SSH1: variants seen among roughly 807,000 people sequenced by gnomAD.
SSH1 encodes slingshot protein phosphatase 1.
Under a neutral mutation model 79.7 loss-of-function variants are expected in SSH1, and 43 were observed. The observed-to-expected ratio is 0.54, with a 90% CI of 0.42 to 0.70. The LOEUF (loss-of-function observed/expected upper bound fraction) is 0.70. SSH1 is among the 30% of genes least tolerant of loss of function. The pLI is 0.00. For synonymous variants in SSH1, 599 were observed against 538.3 expected (o/e 1.11, Z -1.56); for missense variants, 1,206 against 1,358.8 (o/e 0.89, Z 1.77).
chr12:108,800,478 C>G (rs2036943197), intron 12 of SSH1, among the ~76,000 whole-genome samples: 1 of 152,156 alleles, frequency 6.6e-6, no homozygotes, highest in African/African-American at 2.4e-5. Flanking sequence ...GGAATCAGAG[C>G]TGATGATGAC....
intron 1 of SSH1, among the ~76,000 whole-genome samples, chr12:108,854,247 C>T (rs1253388894): frequency 1.3e-5 from 2 of 152,176 alleles, no homozygotes; most frequent in East Asian, 3.9e-4. Flanking sequence ...GATGGTCCCC[C>T]CACAAGAGAG....
chr12:108,796,167 C>T (rs1206876289), intron 13 of SSH1, among the ~76,000 whole-genome samples: 2 of 152,194 alleles, frequency 1.3e-5, no homozygotes, highest in African/African-American at 4.8e-5. Context: ...CCACCTGCCT[C>T]GGCCTCTTAA....
chr12:108,826,812 C>T (rs932084393), intron 2 of SSH1, among the ~76,000 whole-genome samples: 9 of 152,202 alleles, frequency 5.9e-5, no homozygotes, highest in Admixed American at 2.0e-4. Flanking sequence ...ATGGCACGCT[C>T]ACTTTACCAG....
At chr12:108,791,892 AAAG>A (rs1162780164) in intron 14 of SSH1, 3 of 1,250,136 alleles carry the variant, frequency 2.4e-6, no homozygotes, top group Admixed American at 3.8e-5. Context: ...GTGAGATGAA[AAAG>A]AATAGTCATA....
intron 13 of SSH1, among the ~76,000 whole-genome samples, chr12:108,797,115 T>C (rs2036784378): frequency 6.6e-6 from 1 of 152,128 alleles, no homozygotes; most frequent in South Asian, 2.1e-4. Flanking sequence ...AAGGTGAGCA[T>C]TCATTGTTTT....
chr12:108,831,878 C>T (rs771882259), intron 2 of SSH1, among the ~76,000 whole-genome samples: 7 of 152,214 alleles, frequency 4.6e-5, no homozygotes, highest in Non-Finnish European at 1.0e-4. Context: ...AGTGAACTCA[C>T]AAATTCAAGT....
intron 5 of SSH1, among the ~76,000 whole-genome samples, chr12:108,813,643 G>T (rs1376867280): frequency 6.6e-6 from 1 of 150,592 alleles, no homozygotes; most frequent in African/African-American, 2.4e-5. Context: ...ATTCTGGGAG[G>T]TTGAGGCTGC....
At chr12:108,790,563 C>T (rs1302100281) in intron 14 of SSH1, among the ~76,000 whole-genome samples, 6 of 152,284 alleles carry the variant, frequency 3.9e-5, no homozygotes, top group Middle Eastern at 6.8e-3. Flanking sequence ...GGATTATAAG[C>T]GTGAGCCACT....
At chr12:108,818,362 A>AG in intron 3 of SSH1, 49 bp from the exon 4 acceptor site, 2 of 1,566,054 alleles carry the variant, frequency 1.3e-6, no homozygotes. Context: ...CCTACTCTCT[A>AG]GGAAAAAAAA....
chr12:108,852,477 G>A (rs1419267322), intron 2 of SSH1, among the ~76,000 whole-genome samples, 161 bp downstream of exon 2: 27 of 151,920 alleles, frequency 1.8e-4, no homozygotes, highest in South Asian at 2.1e-4. Context: ...TGATCCACCC[G>A]CCTCAGCCTC....
At chr12:108,813,238 C>G (rs1426161430) in intron 5 of SSH1, among the ~76,000 whole-genome samples, 1 of 152,138 alleles carries the variant, frequency 6.6e-6, no homozygotes, top group Non-Finnish European at 1.5e-5. Flanking sequence ...AAGAAGAAAG[C>G]AGGCTCCAAG....
At chr12:108,813,369 T>C (rs2137124703) in intron 5 of SSH1, among the ~76,000 whole-genome samples, 1 of 152,042 alleles carries the variant, frequency 6.6e-6, no homozygotes, top group South Asian at 2.1e-4. Context: ...CACTGATGTG[T>C]GGATGGTGGT....
At chr12:108,840,244 C>G (rs2137256659) in intron 2 of SSH1, among the ~76,000 whole-genome samples, 1 of 152,252 alleles carries the variant, frequency 6.6e-6, no homozygotes, top group East Asian at 1.9e-4. Flanking sequence ...AATGGCTCCT[C>G]TCGGGGGCTG....
intron 1 of SSH1, among the ~76,000 whole-genome samples, chr12:108,853,988 A>C (rs1039920216): frequency 3.3e-5 from 5 of 152,112 alleles, no homozygotes; most frequent in Admixed American, 6.5e-5. Context: ...GATGAAGTAC[A>C]TACAAGATTC....
chr12:108,833,696 C>G (rs1255933074), intron 2 of SSH1: 4 of 152,246 alleles, frequency 2.6e-5, no homozygotes, highest in Non-Finnish European at 4.4e-5. Flanking sequence ...ATTCTCTACC[C>G]ACTCTCTGTC....
chr12:108,791,071 T>C (rs900282911), intron 14 of SSH1, among the ~76,000 whole-genome samples: 2 of 152,258 alleles, frequency 1.3e-5, no homozygotes, highest in African/African-American at 4.8e-5. Flanking sequence ...GAGTCTAAGT[T>C]GGAAGGCTGG....
Position 108,857,378 on chromosome 12 carries a change from C to CGGCGCGGCGTCCGGCGGCCCAGGCCG in SSH1, c.69+24_69+49dup. ...CGCGCGGCCCCAGCTCCGGCGGCCT[C>CGGCGCGGCGTCCGGCGGCCCAGGCCG]GGCGCGGCGTCCGGCGGCCCAGGCC... On this transcript the variant is annotated intron_variant, in intron 1 of 14. Coordinates refer to ENST00000326495, the MANE Select transcript of SSH1 (RefSeq NM_018984.4). This position sits in a 1 kb window ranked among gnomAD's most constrained non-coding sequence, Gnocchi z 4.7. 4.1e-6 allele frequency: 4 copies of CGGCGCGGCGTCCGGCGGCCCAGGCCG among 973,192 alleles called. No individual in the cohort carries two copies. The highest frequency in any genetic ancestry group is 4.9e-6 in the Non-Finnish European group (4 of 820,064). 60.3% of individuals were successfully genotyped at this position (973,192 alleles called of 1,614,324 possible).
intron 2 of SSH1, among the ~76,000 whole-genome samples, chr12:108,840,228 T>C (rs1209010721): frequency 1.3e-5 from 2 of 152,078 alleles, no homozygotes; most frequent in Non-Finnish European, 2.9e-5. Flanking sequence ...CTCAGTTCGC[T>C]TTGAAAATGG....
chr12:108,814,895 C>T (rs958789615), intron 5 of SSH1, among the ~76,000 whole-genome samples: 1 of 152,200 alleles, frequency 6.6e-6, no homozygotes, highest in Admixed American at 6.5e-5. Context: ...GGGCCAGTCT[C>T]CTCCAGCCAG....
Sources: allele counts gnomAD v4.1 joint callset (sites outside exome capture counted in the v4.1 genomes callset), GRCh38; gene constraint gnomAD v4.1.1; non-coding constraint Gnocchi (gnomAD v3.1); transcripts MANE v1.5; gene names NCBI Gene and HGNC (gene_info 2026-07-23, HGNC 2026-07-21).